The following TWIST2 variants were observed in gnomAD, a reference collection of about 807,000 sequenced individuals.
The protein encoded by TWIST2 is twist-related protein 2.
Under a neutral mutation model 11.6 loss-of-function variants are expected in TWIST2, and 1 was observed. The ratio of observed to expected loss-of-function variants is 0.09; its 90% CI spans 0.03 to 0.41. The LOEUF is 0.41. TWIST2 is among the 10% of genes least tolerant of loss of function. TWIST2 has a pLI of 0.98. For synonymous variants in TWIST2, 87 were observed against 96.6 expected (o/e 0.90, Z 0.58); for missense variants, 168 against 226.4 (o/e 0.74, Z 1.66).
chr2:238,851,238 G>A (rs1277834183), intron 1 of TWIST2, among the ~76,000 whole-genome samples: 1 of 152,226 alleles, frequency 6.6e-6, no homozygotes, highest in East Asian at 1.9e-4. Flanking sequence ...GAAGAGAAAC[G>A]CAAGAGATGG....
At chr2:238,859,830 G>A (rs1461017516) in intron 1 of TWIST2, among the ~76,000 whole-genome samples, 1 of 152,148 alleles carries the variant, frequency 6.6e-6, no homozygotes, top group African/African-American at 2.4e-5. Context: ...ACAATTCTGA[G>A]GCACACTGTT....
intron 1 of TWIST2, among the ~76,000 whole-genome samples, chr2:238,906,648 A>T (rs910432110): frequency 5.3e-5 from 8 of 152,242 alleles, no homozygotes; most frequent in Admixed American, 5.2e-4. Flanking sequence ...ACTAGTGGGC[A>T]CACTCACAGA....
intron 1 of TWIST2, among the ~76,000 whole-genome samples, chr2:238,874,349 C>T (rs562369713): frequency 1.4e-3 from 212 of 152,304 alleles, no homozygotes; most frequent in Non-Finnish European, 2.3e-3. Flanking sequence ...CTTAATTTCA[C>T]GTGCAGTATT....
chr2:238,868,712 C>G (rs1271201213), intron 1 of TWIST2, among the ~76,000 whole-genome samples: 1 of 152,238 alleles, frequency 6.6e-6, no homozygotes, highest in Admixed American at 6.5e-5. Flanking sequence ...GACCAGTATC[C>G]TCTGTTGCCC....
At chr2:238,862,388 GACAATT>G (rs1692450860) in intron 1 of TWIST2, among the ~76,000 whole-genome samples, 1 of 152,016 alleles carries the variant, frequency 6.6e-6, no homozygotes, top group Non-Finnish European at 1.5e-5. Context: ...AATTTAAAAA[GACAATT>G]ACCCCATATG....
At chr2:238,860,934 C>T (rs955903062) in intron 1 of TWIST2, among the ~76,000 whole-genome samples, 5 of 151,952 alleles carry the variant, frequency 3.3e-5, no homozygotes, top group Admixed American at 2.6e-4. Context: ...CAAGACTCCA[C>T]CTCAAAACAA....
intron 1 of TWIST2, among the ~76,000 whole-genome samples, chr2:238,868,168 C>T (rs1374853244): frequency 2.6e-5 from 4 of 152,156 alleles, no homozygotes; most frequent in Admixed American, 1.3e-4. Context: ...CTGGGTGCAC[C>T]TGCCCAGGAG....
intron 1 of TWIST2, among the ~76,000 whole-genome samples, chr2:238,907,879 CCA>C (rs1693381345): frequency 9.6e-6 from 1 of 103,878 alleles, no homozygotes; most frequent in Non-Finnish European, 1.9e-5. Flanking sequence ...TACACACACA[CCA>C]CACAAACACA....
intron 1 of TWIST2, among the ~76,000 whole-genome samples, chr2:238,850,049 A>C (rs1247454417): frequency 1.3e-5 from 2 of 152,164 alleles, no homozygotes; most frequent in African/African-American, 4.8e-5. Context: ...TGGTTCTATA[A>C]TATCTGCGAA....
chr2:238,858,266 T>G (rs1574747459), intron 1 of TWIST2, among the ~76,000 whole-genome samples: 1 of 152,232 alleles, frequency 6.6e-6, no homozygotes, highest in Non-Finnish European at 1.5e-5. Flanking sequence ...AATTAACTAA[T>G]TCTGAGAACT....
At chr2:238,873,944 G>A (rs1301288634) in intron 1 of TWIST2, among the ~76,000 whole-genome samples, 2 of 152,180 alleles carry the variant, frequency 1.3e-5, no homozygotes, top group African/African-American at 4.8e-5. Flanking sequence ...TGGGTTGGTG[G>A]CCTGCTCTAA....
intron 1 of TWIST2, among the ~76,000 whole-genome samples, chr2:238,905,882 T>A (rs1487529588): frequency 6.7e-6 from 1 of 149,328 alleles, no homozygotes; most frequent in Non-Finnish European, 1.5e-5. Flanking sequence ...TGTGTGTGCA[T>A]GTGCGCGCAT....
chr2:238,871,627 A>C (rs1574756218), intron 1 of TWIST2, among the ~76,000 whole-genome samples: 8 of 95,228 alleles, frequency 8.4e-5, no homozygotes, highest in Non-Finnish European at 1.2e-4. Flanking sequence ...CATCACACCC[A>C]CCACACACCC....
rs1692491120 is a variant in TWIST2 at position 238,864,296 on chromosome 2, T to G, written c.*35+15563T>G. On this transcript the variant is annotated intron_variant, in intron 1 of 1. Transcript: ENST00000612363. The surrounding 1 kb of genome is among the most constrained non-coding windows in gnomAD (Gnocchi z 4.7). ...GCGGCGATCGGGGCCTGATCCTCAG[T>G]TCGAAGACACAGATGCTCACTGCTG... 6.6e-6 allele frequency among the ~76,000 whole-genome samples: 1 copy of G among 152,148 alleles called. No homozygotes were observed. The highest frequency in any genetic ancestry group is 2.4e-5 in the African/African-American group (1 of 41,430).
At chr2:238,903,420 AT>A in intron 1 of TWIST2, among the ~76,000 whole-genome samples, 1 of 120,992 alleles carries the variant, frequency 8.3e-6, no homozygotes, top group East Asian at 3.0e-4. Context: ...TGTGTGTGTG[AT>A]GTGGGATGTG....
chr2:238,886,193 G>A (rs997624078), intron 1 of TWIST2, among the ~76,000 whole-genome samples: 1 of 151,734 alleles, frequency 6.6e-6, no homozygotes, highest in Non-Finnish European at 1.5e-5. Flanking sequence ...CAGCTCCCAC[G>A]ATGACTGCCT....
chr2:238,895,871 C>T (rs1170893771), intron 1 of TWIST2, among the ~76,000 whole-genome samples: 1 of 152,162 alleles, frequency 6.6e-6, no homozygotes, highest in Non-Finnish European at 1.5e-5. Flanking sequence ...ACAAGCTCGC[C>T]CTCTCCCCTG....
At chr2:238,849,668 CG>C (rs1284336961) in intron 1 of TWIST2, among the ~76,000 whole-genome samples, 2 of 152,198 alleles carry the variant, frequency 1.3e-5, no homozygotes, top group South Asian at 2.1e-4. Flanking sequence ...GGAGAAGGCT[CG>C]GGGGACACAG....
intron 1 of TWIST2, among the ~76,000 whole-genome samples, chr2:238,872,585 A>T (rs1481392162): frequency 6.6e-6 from 1 of 152,216 alleles, no homozygotes; most frequent in East Asian, 1.9e-4. Flanking sequence ...CATGAATTTG[A>T]TACAAATATG....
Sources: allele counts gnomAD v4.1 joint callset (sites outside exome capture counted in the v4.1 genomes callset), GRCh38; gene constraint gnomAD v4.1.1; non-coding constraint Gnocchi (gnomAD v3.1); transcripts MANE v1.5; gene names NCBI Gene and HGNC (gene_info 2026-07-23, HGNC 2026-07-21).